RGS6: variants seen among roughly 807,000 people sequenced by gnomAD.
The protein encoded by RGS6 is regulator of G protein signaling 6.
In RGS6, 30 loss-of-function variants were observed where a neutral mutation model predicts 78.5. The observed-to-expected ratio is 0.38, with a 90% confidence interval of 0.29 to 0.52. The LOEUF (loss-of-function observed/expected upper bound fraction) is 0.52. RGS6 is among the 20% of genes least tolerant of loss of function. RGS6 has a pLI of 0.85. For synonymous variants in RGS6, 206 were observed against 206.0 expected, an observed-to-expected ratio of 1.00 and a Z score of 0.00; for missense variants, 495 against 609.7, an observed-to-expected ratio of 0.81 and a Z score of 1.98.
chr14:72,043,066 T>C (rs1177306709), intron 2 of RGS6, among the ~76,000 whole-genome samples: 1 of 152,004 alleles, frequency 6.6e-6, no homozygotes, highest in African/African-American at 2.4e-5. Flanking sequence ...TGTTTATTCT[T>C]ATCCCCTTTG....
At chr14:72,097,594 G>T (rs1171956583) in intron 2 of RGS6, among the ~76,000 whole-genome samples, 1 of 152,110 alleles carries the variant, frequency 6.6e-6, no homozygotes, top group Non-Finnish European at 1.5e-5. Context: ...GAAGGGGGCG[G>T]GTGTCTTTGT....
intron 2 of RGS6, among the ~76,000 whole-genome samples, chr14:72,028,166 G>A (rs1473867368): frequency 2.0e-5 from 3 of 152,220 alleles, no homozygotes; most frequent in Admixed American, 2.0e-4. Flanking sequence ...CTGGTTGGAA[G>A]TCATTTTCTT....
At chr14:72,197,919 C>A (rs1225618767) in intron 2 of RGS6, among the ~76,000 whole-genome samples, 1 of 151,844 alleles carries the variant, frequency 6.6e-6, no homozygotes, top group African/African-American at 2.4e-5. Context: ...GTAGCTATAG[C>A]AACTTTTATT....
chr14:72,019,744 G>A (rs2087957301), intron 2 of RGS6, among the ~76,000 whole-genome samples: 1 of 152,134 alleles, frequency 6.6e-6, no homozygotes, highest in Non-Finnish European at 1.5e-5. Flanking sequence ...TGGTCATTCT[G>A]TTTTTTTGAT....
At chr14:72,286,942 C>G (rs1385953790) in intron 2 of RGS6, among the ~76,000 whole-genome samples, 1 of 152,140 alleles carries the variant, frequency 6.6e-6, no homozygotes, top group Non-Finnish European at 1.5e-5. Context: ...TGCCACCACA[C>G]TTGCCTAATT....
At position 72,458,254 on chromosome 14, in the gene RGS6, A is replaced by G. The variant is rs371166398; in HGVS notation, c.236-17A>G. On this transcript the variant is annotated splice_polypyrimidine_tract_variant and intron_variant, in intron 4 of 17. Coordinates refer to ENST00000553525, the MANE Select transcript of RGS6 (RefSeq NM_001204424.2). ...CTGCTTTCTAATTCCTTCTCTCTCT[A>G]TGCACTGTTCTTACAGTTGAAGCAA... 17 of 1,590,576 alleles carry G rather than the reference A, an allele frequency of 1.1e-5. No homozygotes were observed. The South Asian group carries it at 1.6e-4, about 15-fold the overall frequency.
At chr14:72,321,363 A>G (rs2071966863) in intron 2 of RGS6, among the ~76,000 whole-genome samples, 1 of 152,046 alleles carries the variant, frequency 6.6e-6, no homozygotes, top group South Asian at 2.1e-4. Flanking sequence ...CCTGTTTCTC[A>G]TATCAACAAA....
chr14:71,890,358 C>CAGACAGAGAGAG, the RGS6 span, among the ~76,000 whole-genome samples: 7,789 of 133,028 alleles, frequency 0.059, 280 homozygotes, highest in Non-Finnish European at 0.068. Flanking sequence ...GTGCATAAGA[C>CAGACAGAGAGAG]AGAGAGAGAG....
chr14:71,890,712 T>C, the RGS6 span, among the ~76,000 whole-genome samples: 2 of 152,190 alleles, frequency 1.3e-5, no homozygotes, highest in East Asian at 3.9e-4. Flanking sequence ...TGAAAGTCTT[T>C]AGCTGCTACC....
chr14:71,982,068 C>T (rs1190743227), intron 2 of RGS6, among the ~76,000 whole-genome samples: 1 of 152,258 alleles, frequency 6.6e-6, no homozygotes, highest in African/African-American at 2.4e-5. Context: ...CTCCGTCACC[C>T]CTTTCTTTGA....
At chr14:72,307,378 T>C (rs942709388) in intron 2 of RGS6, among the ~76,000 whole-genome samples, 5 of 152,136 alleles carry the variant, frequency 3.3e-5, no homozygotes, top group East Asian at 3.9e-4. Flanking sequence ...ATAGTTGCAT[T>C]AAAAAAAATT....
intron 2 of RGS6, among the ~76,000 whole-genome samples, chr14:72,160,592 G>A (rs550709060): frequency 1.3e-5 from 2 of 152,164 alleles, no homozygotes; most frequent in Non-Finnish European, 2.9e-5. Context: ...TCTTTCAAAA[G>A]GTGATTAAGT....
At chr14:72,055,854 C>T (rs2093593524) in intron 2 of RGS6, among the ~76,000 whole-genome samples, 2 of 152,144 alleles carry the variant, frequency 1.3e-5, no homozygotes, top group Non-Finnish European at 2.9e-5. Context: ...GCTCAGCAGC[C>T]TTTGAGAGTT....
intron 2 of RGS6, among the ~76,000 whole-genome samples, chr14:72,201,518 C>T (rs964850640): frequency 6.6e-6 from 1 of 152,150 alleles, no homozygotes; most frequent in South Asian, 2.1e-4. Context: ...TTATCTAAAG[C>T]CTGAGCTGTT....
chr14:72,016,879 G>A lies in RGS6; in HGVS notation c.84+52004G>A, dbSNP rs558391914. 5.3e-5 allele frequency among the ~76,000 whole-genome samples: 8 copies of A among 152,276 alleles called. No individual in the cohort carries two copies. The South Asian group carries it at 1.0e-3, about 20-fold the overall frequency. ...TACTCAGATGGTTTACAGATAAATC[G>A]TAAGAATTTGCTCTCTTATCCTGGG... On this transcript the variant is annotated intron_variant, in intron 2 of 17. Transcript: ENST00000553525.
At chr14:72,336,294 T>G (rs2076017869) in intron 2 of RGS6, among the ~76,000 whole-genome samples, 1 of 152,198 alleles carries the variant, frequency 6.6e-6, no homozygotes, top group Non-Finnish European at 1.5e-5. Context: ...TAGAAAACAG[T>G]GTCTTTCTTG....
chr14:72,539,891 T>C (rs1040106323), intron 16 of RGS6, 150 bp from the exon 17 acceptor site: 1 of 656,216 alleles, frequency 1.5e-6, no homozygotes, highest in Non-Finnish European at 2.5e-6. Context: ...CCAACAGCTC[T>C]GGCTGCTTCT....
chr14:72,559,032 A>T (rs138481388), intron 17 of RGS6, among the ~76,000 whole-genome samples: 19 of 152,302 alleles, frequency 1.2e-4, no homozygotes, highest in African/African-American at 4.3e-4. Flanking sequence ...TCACACCCTG[A>T]AAAAAACCTG....
intron 14 of RGS6, among the ~76,000 whole-genome samples, chr14:72,511,268 A>T (rs2096874870): frequency 6.6e-6 from 1 of 152,254 alleles, no homozygotes; most frequent in African/African-American, 2.4e-5. Flanking sequence ...ATAATGTTTC[A>T]ATATTGTATT....
Sources: gnomAD v4.1 joint callset for allele counts (sites outside exome capture counted in the v4.1 genomes callset) on GRCh38, gnomAD v4.1.1 for gene constraint, MANE v1.5 for transcripts, NCBI Gene and HGNC (gene_info 2026-07-23, HGNC 2026-07-21) for gene names.